The following SYNE1 variants were observed in gnomAD, a reference collection of about 807,000 sequenced individuals.
The protein encoded by SYNE1 is spectrin repeat containing nuclear envelope protein 1.
A neutral mutation model predicts 1,111.0 loss-of-function variants in SYNE1; 616 were observed. The observed-to-expected ratio is 0.55, with a 90% CI of 0.52 to 0.59. SYNE1 has a LOEUF of 0.59. Among genes scored for constraint, SYNE1 ranks in the 20% least tolerant of loss-of-function variants. SYNE1 has a pLI of 0.00. For missense variants in SYNE1, 10,006 were observed against 10,417.0 expected (o/e 0.96, Z 1.72); for synonymous variants, 3,855 against 3,825.8 (o/e 1.01, Z -0.28).
intron 11 of SYNE1, among the ~76,000 whole-genome samples, chr6:152,491,705 C>T (rs2098971628): frequency 6.6e-6 from 1 of 152,138 alleles, no homozygotes; most frequent in South Asian, 2.1e-4. Flanking sequence ...TTTTACACAT[C>T]AGTCCCTCCC....
intron 4 of SYNE1, among the ~76,000 whole-genome samples, chr6:152,535,291 C>T (rs557856427): frequency 2.6e-4 from 40 of 152,298 alleles, no homozygotes; most frequent in Middle Eastern, 6.8e-3. Flanking sequence ...TACTTTGTTA[C>T]GGCAATCCCA....
At chr6:152,308,723 C>T in intron 90 of SYNE1, 91 bp from the exon 91 acceptor site, 1 of 1,390,066 alleles carries the variant, frequency 7.2e-7, no homozygotes, top group Admixed American at 2.2e-5. Context: ...TCCTATTTAC[C>T]TGTACAGGTA....
intron 3 of SYNE1, among the ~76,000 whole-genome samples, chr6:152,607,901 G>A (rs2099620454): frequency 6.6e-6 from 1 of 152,172 alleles, no homozygotes; most frequent in Non-Finnish European, 1.5e-5. Flanking sequence ...AATGAAGCTG[G>A]AAGCCATCAT....
At chr6:152,133,557 GA>G (rs2152721634) in intron 142 of SYNE1, 69 bp from the exon 143 acceptor site, 1 of 1,465,034 alleles carries the variant, frequency 6.8e-7, no homozygotes, top group East Asian at 2.4e-5. Context: ...CAAAAGTGCA[GA>G]ATGCAATCAA....
chr6:152,294,428 A>T (rs1030004607), intron 93 of SYNE1, among the ~76,000 whole-genome samples: 3 of 152,246 alleles, frequency 2.0e-5, no homozygotes, highest in Non-Finnish European at 4.4e-5. Flanking sequence ...GGATTTAAGC[A>T]GTACACATGT....
chr6:152,327,382 A>G (rs1284858469), intron 78 of SYNE1, among the ~76,000 whole-genome samples: 17 of 152,246 alleles, frequency 1.1e-4, no homozygotes, highest in Non-Finnish European at 1.5e-5. Flanking sequence ...AGAGCCACAG[A>G]GTAATTTCTG....
intron 3 of SYNE1, among the ~76,000 whole-genome samples, chr6:152,563,534 C>T (rs759572223): frequency 3.3e-5 from 5 of 152,028 alleles, no homozygotes; most frequent in Non-Finnish European, 7.4e-5. Context: ...AATTGTTTCA[C>T]AATGAGAAAT....
chr6:152,342,026 C>T (rs573542960), intron 74 of SYNE1, among the ~76,000 whole-genome samples: 2 of 152,308 alleles, frequency 1.3e-5, no homozygotes, highest in Admixed American at 1.3e-4. Flanking sequence ...CTTTCCTCCT[C>T]AGAGTGACTG....
chr6:152,311,787 C>A (rs1962703), intron 87 of SYNE1, among the ~76,000 whole-genome samples: 23,768 of 150,324 alleles, frequency 0.16, 2,382 homozygotes, highest in Non-Finnish European at 0.22. Flanking sequence ...TTATTTATTT[C>A]TTTTTTGAGA....
intron 3 of SYNE1, among the ~76,000 whole-genome samples, chr6:152,605,076 A>AGAAGGAAGGAAGGAAGGAAG (rs376634946): frequency 2.8e-4 from 9 of 32,358 alleles, no homozygotes; most frequent in East Asian, 1.1e-3. Context: ...GAGGGAGGAA[A>AGAAGGAAGGAAGGAAGGAAG]GAAGGAAGGA....
Position 152,605,100 on chromosome 6 carries a change from GGAAGGAAGGAAGGAA to G in SYNE1, c.67+23150_67+23164del, listed in dbSNP as rs1375018478. Among the ~76,000 whole-genome samples the G allele has an allele frequency of 8.8e-5, 12 of 137,042 alleles. No homozygotes were observed. In the East Asian group the frequency reaches 1.7e-3, roughly 20 times the overall value. 89.9% of individuals were successfully genotyped at this position (137,042 alleles called of 152,430 possible). On this transcript the variant is annotated intron_variant, in intron 3 of 145. Transcript: ENST00000367255. ...AAGAAGGAAGGAAGGAAGGAAGGAA[GGAAGGAAGGAAGGAA>G]GGAAGGAAGGAAGGAGAAAGGAAAA...
At chr6:152,556,995 A>G (rs1357126036) in intron 3 of SYNE1, among the ~76,000 whole-genome samples, 1 of 152,170 alleles carries the variant, frequency 6.6e-6, no homozygotes, top group Non-Finnish European at 1.5e-5. Context: ...GAAATAATTT[A>G]ACATAATCTT....
Position 152,323,417 on chromosome 6 carries a change from CG to C in SYNE1, c.15917+60del, listed in dbSNP as rs2095943169. 4.1e-5 allele frequency: 65 copies of C among 1,596,242 alleles called. No individual in the cohort carries two copies. In the South Asian group the frequency reaches 6.2e-4, roughly 15 times the overall value. ...TCACACATTTGCACTCCAGCCTGGGCGACAGAGCGAGACTCCAAACAAACAA... is the reference window on the plus strand; with the variant it reads ...TCACACATTTGCACTCCAGCCTGGGCACAGAGCGAGACTCCAAACAAACAA... On this transcript the variant is annotated intron_variant, in intron 82 of 145. Transcript: ENST00000367255.
At chr6:152,522,943 C>G (rs9371255) in intron 5 of SYNE1, among the ~76,000 whole-genome samples, 1 of 152,076 alleles carries the variant, frequency 6.6e-6, no homozygotes, top group African/African-American at 2.4e-5. Flanking sequence ...CTTGTAGATT[C>G]TGAACATTAG....
chr6:152,424,395 G>T (rs1457307843), intron 39 of SYNE1, among the ~76,000 whole-genome samples: 1 of 152,182 alleles, frequency 6.6e-6, no homozygotes, highest in Admixed American at 6.5e-5. Flanking sequence ...CCCTCTAAGG[G>T]ATAGGCAAAG....
chr6:152,465,150 T>A, intron 18 of SYNE1, 108 bp downstream of exon 18: 1 of 1,271,740 alleles, frequency 7.9e-7, no homozygotes, highest in Admixed American at 1.8e-5. Context: ...GTCAAGATTC[T>A]TGAGTGACAC....
At chr6:152,600,929 A>G (rs1205007928) in intron 3 of SYNE1, among the ~76,000 whole-genome samples, 1 of 152,232 alleles carries the variant, frequency 6.6e-6, no homozygotes, top group Non-Finnish European at 1.5e-5. Context: ...ATGTCCAGTG[A>G]AGGTCTGAAC....
chr6:152,565,227 T>C (rs2099408895), intron 3 of SYNE1, among the ~76,000 whole-genome samples: 1 of 152,224 alleles, frequency 6.6e-6, no homozygotes, highest in Non-Finnish European at 1.5e-5. Flanking sequence ...TCTTGTGGAA[T>C]TTAGACATTC....
Position 152,301,927 on chromosome 6 carries a change from G to C in SYNE1, c.17483C>G (p.Thr5828Arg), listed in dbSNP as rs150376715. ...GAGGAGCTCCCCATCCAGGTCCTCT[G>C]TCCCTTCCGCCAGCCCCTCGACCTC... Reference protein sequence around the residue: ...VTEVEGLAEGTEDLDGELLPT... With the variant: ...VTEVEGLAEGREDLDGELLPT... Residue 5828 changes from threonine (T) to arginine (R), a missense_variant, in exon 92 of 146, where the codon ACA becomes AGA. By Grantham distance (71) the Thr-to-Arg change is moderately conservative (BLOSUM62 -1). Around this residue, in one of 7 missense-constraint regions of SYNE1, gnomAD observed 4,955 missense variants for 5,017.2 expected, o/e 0.99. Coordinates refer to ENST00000367255, the MANE Select transcript of SYNE1 (RefSeq NM_182961.4). 2.4e-4 allele frequency: 389 copies of C among 1,614,142 alleles called. No individual in the cohort carries two copies. In the African/African-American group the frequency reaches 2.8e-3, roughly 12 times the overall value.
Sources: gnomAD v4.1 joint callset for allele counts (sites outside exome capture counted in the v4.1 genomes callset) on GRCh38, gnomAD v4.1.1 for gene constraint, gnomAD v4.1.1 regional missense constraint, MANE v1.5 for transcripts, NCBI Gene and HGNC (gene_info 2026-07-23, HGNC 2026-07-21) for gene names.